Variants in LRP1B observed in about 807,000 individuals in gnomAD.
The protein encoded by LRP1B is LDL receptor related protein 1B.
In LRP1B, 217 loss-of-function variants were observed where a neutral mutation model predicts 556.6. That is an observed-to-expected ratio of 0.39 (90% CI 0.35 to 0.44). The LOEUF is 0.44. LRP1B is among the 20% of genes least tolerant of loss of function. The pLI, the probability that LRP1B is intolerant of heterozygous loss-of-function variation, is 1.00. For synonymous variants in LRP1B, 2,047 were observed against 1,865.8 expected (o/e 1.10, Z -2.50); for missense variants, 5,053 against 5,620.8 (o/e 0.90, Z 3.23).
chr2:142,122,189 G>A (rs538010041), intron 1 of LRP1B, among the ~76,000 whole-genome samples: 2 of 152,090 alleles, frequency 1.3e-5, no homozygotes, highest in East Asian at 3.9e-4. Context: ...AAACCCTCAT[G>A]CCCTTCATTA....
At chr2:141,453,196 C>G (rs969796930) in intron 3 of LRP1B, among the ~76,000 whole-genome samples, 1 of 151,946 alleles carries the variant, frequency 6.6e-6, no homozygotes, top group Non-Finnish European at 1.5e-5. Context: ...GAGATTGCCC[C>G]ACTACACTCC....
At chr2:140,309,928 T>TTCTTTTTTATTATGTTC (rs2307708) in intron 83 of LRP1B, among the ~76,000 whole-genome samples, 1 of 151,338 alleles carries the variant, frequency 6.6e-6, no homozygotes, top group Non-Finnish European at 1.5e-5. Context: ...CTAAATTTTG[T>TTCTTTTTTATTATGTTC]TTTTTTATTA....
intron 1 of LRP1B, among the ~76,000 whole-genome samples, chr2:141,933,855 C>A (rs1700566641): frequency 1.3e-5 from 2 of 151,876 alleles, no homozygotes; most frequent in Non-Finnish European, 2.9e-5. Context: ...CAGATAATTC[C>A]CATTTATAAA....
chr2:140,695,612 C>T (rs1208495792), intron 41 of LRP1B, among the ~76,000 whole-genome samples: 2 of 152,088 alleles, frequency 1.3e-5, no homozygotes, highest in Non-Finnish European at 2.9e-5. Context: ...TTGAGATTAG[C>T]TATCTCTAAT....
At chr2:141,209,685 A>G (rs1682457916) in intron 6 of LRP1B, among the ~76,000 whole-genome samples, 1 of 152,188 alleles carries the variant, frequency 6.6e-6, no homozygotes, top group Non-Finnish European at 1.5e-5. Flanking sequence ...GGTGTCCCCC[A>G]AGGAACACAA....
At chr2:141,668,134 A>G (rs560572725) in intron 2 of LRP1B, among the ~76,000 whole-genome samples, 1 of 152,326 alleles carries the variant, frequency 6.6e-6, no homozygotes, top group East Asian at 1.9e-4. Context: ...TCTAGGTTCC[A>G]TCAGCCTTCA....
At chr2:142,046,180 C>T (rs1259148014) in intron 1 of LRP1B, among the ~76,000 whole-genome samples, 1 of 151,862 alleles carries the variant, frequency 6.6e-6, no homozygotes, top group East Asian at 1.9e-4. Context: ...GTTAGACACT[C>T]ATTGAATTTC....
intron 81 of LRP1B, 46 bp from the exon 82 acceptor site, chr2:140,322,134 A>G: frequency 6.4e-7 from 1 of 1,555,250 alleles, no homozygotes; most frequent in African/African-American, 1.4e-5. Context: ...TATAGATACA[A>G]TAGGCTTCAA....
intron 1 of LRP1B, among the ~76,000 whole-genome samples, chr2:142,121,116 A>G (rs77717113): frequency 0.02 from 3,035 of 152,256 alleles, 106 homozygotes; most frequent in African/African-American, 0.065. Context: ...TCGTTCTTAT[A>G]GAAAATCTTT....
chr2:141,723,421 A>G (rs1239942373), intron 2 of LRP1B, among the ~76,000 whole-genome samples: 1 of 151,348 alleles, frequency 6.6e-6, no homozygotes, highest in Admixed American at 6.6e-5. Context: ...CACATGTTGT[A>G]CAGATGCAAA....
At chr2:140,761,599 G>C (rs1410566668) in intron 35 of LRP1B, among the ~76,000 whole-genome samples, 1 of 152,118 alleles carries the variant, frequency 6.6e-6, no homozygotes, top group Non-Finnish European at 1.5e-5. Flanking sequence ...CTGCCCTGTA[G>C]AAAGGCCCAC....
Position 140,437,389 on chromosome 2 carries a change from C to T in LRP1B, c.10414+5115G>A, listed in dbSNP as rs2105293288. ...CCCTCAACACCTCCCAGCACACCCG[C>T]TTCATTCACAAGTCACAGCCACACA... On this transcript the variant is annotated intron_variant, in intron 66 of 90. Coordinates refer to ENST00000389484, the MANE Select transcript of LRP1B (RefSeq NM_018557.3). 1.3e-5 allele frequency among the ~76,000 whole-genome samples: 2 copies of T among 152,296 alleles called. 1 individual carries two copies. The highest frequency in any genetic ancestry group is 4.1e-4 in the South Asian group (2 of 4,828).
intron 32 of LRP1B, among the ~76,000 whole-genome samples, chr2:140,794,697 C>T (rs1120489): frequency 0.52 from 78,989 of 151,526 alleles, 20,883 homozygotes; most frequent in East Asian, 0.74. Context: ...CACCACAACC[C>T]CCGCCTCCTG....
chr2:140,985,504 A>G (rs1386096891), intron 17 of LRP1B, among the ~76,000 whole-genome samples: 1 of 151,676 alleles, frequency 6.6e-6, no homozygotes, highest in East Asian at 1.9e-4. Context: ...TGATCATGTT[A>G]CTACGAGGAA....
chr2:141,161,111 T>C (rs1680013802), intron 7 of LRP1B, among the ~76,000 whole-genome samples: 1 of 152,146 alleles, frequency 6.6e-6, no homozygotes, highest in African/African-American at 2.4e-5. Context: ...GGAGATTTTC[T>C]TTCTTCTATC....
chr2:140,638,747 A>T (rs565900), intron 41 of LRP1B, among the ~76,000 whole-genome samples: 1 of 151,804 alleles, frequency 6.6e-6, no homozygotes, highest in African/African-American at 2.4e-5. Context: ...ATGTATTTGC[A>T]TATATAAGTA....
chr2:140,393,511 TA>T (rs1684116714), intron 66 of LRP1B, among the ~76,000 whole-genome samples: 1 of 145,948 alleles, frequency 6.9e-6, no homozygotes, highest in South Asian at 2.1e-4. Context: ...AAGAGGACTG[TA>T]ATTTGGGGAT....
At chr2:141,014,456 G>C (rs1285628111) in intron 13 of LRP1B, among the ~76,000 whole-genome samples, 2 of 151,994 alleles carry the variant, frequency 1.3e-5, no homozygotes, top group African/African-American at 4.8e-5. Context: ...TAGGATTTTA[G>C]AAGGGGAATA....
At chr2:140,858,466 A>G (rs988103271) in intron 27 of LRP1B, among the ~76,000 whole-genome samples, 1 of 148,230 alleles carries the variant, frequency 6.7e-6, no homozygotes. Context: ...CTGCTAAAAA[A>G]ATTATTTTAT....
Sources: gnomAD v4.1 joint callset for allele counts (sites outside exome capture counted in the v4.1 genomes callset) on GRCh38, gnomAD v4.1.1 for gene constraint, MANE v1.5 for transcripts, NCBI Gene and HGNC (gene_info 2026-07-23, HGNC 2026-07-21) for gene names.